CDH12: variants seen among roughly 807,000 people sequenced by gnomAD.
CDH12 encodes cadherin 12.
Under a neutral mutation model 74.1 loss-of-function variants are expected in CDH12, and 41 were observed. The observed-to-expected ratio is 0.55, with a 90% confidence interval of 0.43 to 0.72. The LOEUF (loss-of-function observed/expected upper bound fraction) is 0.72, where lower values mean the gene tolerates loss of function less well. CDH12 is among the 30% of genes least tolerant of loss of function. The pLI is 0.00. For missense variants in CDH12, 945 were observed against 977.2 expected, an observed-to-expected ratio of 0.97 and a Z score of 0.44; for synonymous variants, 399 against 355.0, an observed-to-expected ratio of 1.12 and a Z score of -1.39.
chr5:22,803,024 A>G (rs143063783), intron 1 of CDH12, among the ~76,000 whole-genome samples: 79 of 152,258 alleles, frequency 5.2e-4, no homozygotes, highest in Middle Eastern at 3.4e-3. Context: ...ACAAAGATGA[A>G]TATTTCCTCT....
intron 8 of CDH12, among the ~76,000 whole-genome samples, chr5:21,819,355 G>C (rs1054375121): frequency 1.3e-5 from 2 of 152,100 alleles, no homozygotes; most frequent in Admixed American, 6.6e-5. Flanking sequence ...TAAACTTAAG[G>C]ACAAATTCCA....
At chr5:22,234,882 AT>A (rs1452953344) in intron 3 of CDH12, among the ~76,000 whole-genome samples, 1 of 152,076 alleles carries the variant, frequency 6.6e-6, no homozygotes, top group Non-Finnish European at 1.5e-5. Context: ...ATTTCCTTCC[AT>A]TTGAAAGACA....
chr5:22,043,307 A>G (rs1739702958), intron 5 of CDH12, among the ~76,000 whole-genome samples: 1 of 152,214 alleles, frequency 6.6e-6, no homozygotes, highest in African/African-American at 2.4e-5. Flanking sequence ...AAATCAATAA[A>G]GGTGATTCTT....
intron 1 of CDH12, among the ~76,000 whole-genome samples, chr5:22,623,426 A>G (rs268993): frequency 0.56 from 85,130 of 152,006 alleles, 24,186 homozygotes; most frequent in East Asian, 0.68. Flanking sequence ...CACAGTCTCA[A>G]CCCAAAATCT....
chr5:21,811,168 A>G (rs1006534393), intron 9 of CDH12, among the ~76,000 whole-genome samples: 1 of 152,112 alleles, frequency 6.6e-6, no homozygotes, highest in African/African-American at 2.4e-5. Flanking sequence ...TAACATCAAA[A>G]TGGTAAGCAC....
At chr5:21,926,339 G>C (rs1471397926) in intron 6 of CDH12, among the ~76,000 whole-genome samples, 1 of 152,240 alleles carries the variant, frequency 6.6e-6, no homozygotes, top group East Asian at 1.9e-4. Flanking sequence ...ACACAAACAA[G>C]ATGACCTTCC....
chr5:21,931,840 T>C (rs1473483161), intron 6 of CDH12, among the ~76,000 whole-genome samples: 1 of 152,206 alleles, frequency 6.6e-6, no homozygotes, highest in East Asian at 1.9e-4. Flanking sequence ...TTTTCCTGTT[T>C]AACCTCATTA....
intron 6 of CDH12, among the ~76,000 whole-genome samples, chr5:21,870,816 C>T: frequency 6.6e-6 from 1 of 152,156 alleles, no homozygotes; most frequent in East Asian, 1.9e-4. Context: ...ACTGCAGCCC[C>T]AACCTGGTGA....
In CDH12 at chr5:21,816,927, C is replaced by T. The variant is rs1403591865; in HGVS notation, c.1002+18G>A. On this transcript the variant is annotated intron_variant, in intron 9 of 14. Transcript: ENST00000382254. The stretch of plus-strand genomic sequence containing the variant: ...ATTATTATTTAGTAGTCAACTGTCC[C>T]AACATTTGTCTATATACCTTTTTCA... 8 of 1,477,510 alleles carry T rather than the reference C, an allele frequency of 5.4e-6. No homozygotes were observed. The highest frequency in any genetic ancestry group is 2.4e-5 in the East Asian group (1 of 42,482). The allele number at this position is 1,477,510 out of a possible 1,614,324, so 91.5% of individuals were successfully genotyped here.
intron 1 of CDH12, among the ~76,000 whole-genome samples, chr5:22,713,443 C>G (rs551516277): frequency 6.6e-6 from 1 of 151,804 alleles, no homozygotes; most frequent in Non-Finnish European, 1.5e-5. Context: ...ACCCGGCCGA[C>G]CTTAGGCTAA....
At chr5:22,450,956 A>G (rs147763204) in intron 2 of CDH12, among the ~76,000 whole-genome samples, 78 of 150,912 alleles carry the variant, frequency 5.2e-4, no homozygotes, top group African/African-American at 1.8e-3. Flanking sequence ...TCTTTGCCTA[A>G]GCTTAACATG....
intron 5 of CDH12, among the ~76,000 whole-genome samples, chr5:22,046,047 T>C (rs1176729327): frequency 6.6e-6 from 1 of 152,144 alleles, no homozygotes; most frequent in Non-Finnish European, 1.5e-5. Flanking sequence ...AACTTAGAAG[T>C]AGCATTGCCA....
rs180711702 is a variant in CDH12, at chr5:22,127,369, C to T, written c.-186-48507G>A. Among the ~76,000 whole-genome samples the T allele has an allele frequency of 2.7e-3, 405 of 151,408 alleles. 5 individuals are homozygous for T. The highest frequency in any genetic ancestry group is 9.1e-3 in the African/African-American group (376 of 41,276). ...GCTCATGCCTGTCATCCCAGCTACTCGGGAGGCTGAGACAGGAGAATCCCT... is the reference window on the plus strand; with the variant it reads ...GCTCATGCCTGTCATCCCAGCTACTTGGGAGGCTGAGACAGGAGAATCCCT... On this transcript the variant is annotated intron_variant, in intron 4 of 14. Transcript: ENST00000382254.
At chr5:22,152,582 C>T (rs1747669117) in intron 4 of CDH12, among the ~76,000 whole-genome samples, 1 of 152,196 alleles carries the variant, frequency 6.6e-6, no homozygotes, top group Non-Finnish European at 1.5e-5. Flanking sequence ...TGACTAAATC[C>T]AGCTAATTAA....
intron 2 of CDH12, among the ~76,000 whole-genome samples, chr5:22,447,052 A>G (rs907404340): frequency 2.0e-5 from 3 of 152,066 alleles, no homozygotes; most frequent in African/African-American, 7.2e-5. Context: ...AAGTATATTT[A>G]CCATCATGTG....
intron 1 of CDH12, among the ~76,000 whole-genome samples, chr5:22,813,996 T>C (rs777604884): frequency 2.0e-5 from 3 of 152,246 alleles, no homozygotes; most frequent in East Asian, 1.9e-4. Flanking sequence ...TAAGGGAAAA[T>C]AGGCAATAAT....
intron 1 of CDH12, among the ~76,000 whole-genome samples, chr5:22,809,453 A>G (rs1401303712): frequency 1.3e-5 from 2 of 151,804 alleles, no homozygotes; most frequent in Non-Finnish European, 2.9e-5. Context: ...AATATGATAC[A>G]TTCCTTTCAT....
intron 6 of CDH12, among the ~76,000 whole-genome samples, chr5:21,914,665 G>A (rs777133334): frequency 3.3e-5 from 5 of 152,098 alleles, no homozygotes; most frequent in Non-Finnish European, 5.9e-5. Context: ...TTCTTGTCAG[G>A]AAACCTCTAT....
chr5:22,048,213 T>C (rs1160030099), intron 5 of CDH12, among the ~76,000 whole-genome samples: 1 of 152,196 alleles, frequency 6.6e-6, no homozygotes, highest in Non-Finnish European at 1.5e-5. Context: ...AAACTAACTC[T>C]ATCTATTGCT....
Sources: allele counts gnomAD v4.1 joint callset (sites outside exome capture counted in the v4.1 genomes callset), GRCh38; gene constraint gnomAD v4.1.1; transcripts MANE v1.5; gene names NCBI Gene and HGNC (gene_info 2026-07-23, HGNC 2026-07-21).